The following RFX8 variants were observed in gnomAD, a reference collection of about 807,000 sequenced individuals.
The protein encoded by RFX8 is DNA-binding protein RFX8.
RFX8 carries 46 observed loss-of-function variants against 54.6 expected under a neutral mutation model. The ratio of observed to expected loss-of-function variants is 0.84; its 90% CI spans 0.67 to 1.08. RFX8 has a LOEUF of 1.08. Among genes scored for constraint, RFX8 ranks in the 50% least tolerant of loss-of-function variants. RFX8 has a pLI of 0.00. For missense variants in RFX8, 536 were observed against 562.3 expected (o/e 0.95, Z 0.47); for synonymous variants, 192 against 209.5 (o/e 0.92, Z 0.72).
intron 11 of RFX8, among the ~76,000 whole-genome samples, chr2:101,397,941 C>A (rs2104501250): frequency 1.3e-5 from 2 of 152,296 alleles, no homozygotes; most frequent in Middle Eastern, 6.8e-3. Flanking sequence ...TCACTGCAAC[C>A]TCCGCCTCCT....
At chr2:101,431,745 T>C (rs1446151645) in intron 2 of RFX8, among the ~76,000 whole-genome samples, 2 of 152,202 alleles carry the variant, frequency 1.3e-5, no homozygotes, top group Middle Eastern at 3.2e-3. Context: ...AGTTCCTAAA[T>C]GGTACTCCCA....
chr2:101,452,394 C>A (rs1171443600), intron 2 of RFX8: 6 of 1,420,096 alleles, frequency 4.2e-6, no homozygotes, highest in Non-Finnish European at 4.6e-6. Context: ...CCTGGCACTT[C>A]CTCTAGTGCC....
chr2:101,412,355 T>C (rs1315998459), intron 8 of RFX8, among the ~76,000 whole-genome samples: 1 of 152,158 alleles, frequency 6.6e-6, no homozygotes, highest in Non-Finnish European at 1.5e-5. Context: ...GGAAGGGGGA[T>C]TTTTTTCTTG....
intron 8 of RFX8, among the ~76,000 whole-genome samples, chr2:101,411,674 T>A (rs1686140869): frequency 6.6e-6 from 1 of 152,234 alleles, no homozygotes; most frequent in Admixed American, 6.5e-5. Context: ...CCTGCCAGAT[T>A]AGGTGTTAAC....
intron 2 of RFX8, among the ~76,000 whole-genome samples, chr2:101,456,789 A>G (rs1015107309): frequency 2.6e-5 from 4 of 152,164 alleles, no homozygotes; most frequent in African/African-American, 9.7e-5. Flanking sequence ...AAGGAATGGT[A>G]CCAGCTCCTT....
intron 2 of RFX8, among the ~76,000 whole-genome samples, chr2:101,453,567 G>A (rs1443278235): frequency 6.6e-6 from 1 of 152,130 alleles, no homozygotes; most frequent in Non-Finnish European, 1.5e-5. Context: ...TGACAAGGGT[G>A]AAACTCGGTC....
At position 101,427,847 on chromosome 2, in the gene RFX8, C is replaced by T. The variant is rs769175443; in HGVS notation, c.73-5375G>A. 5.9e-5 allele frequency among the ~76,000 whole-genome samples: 9 copies of T among 152,148 alleles called. No homozygotes were observed. The South Asian group carries it at 6.2e-4, about 11-fold the overall frequency. On this transcript the variant is annotated intron_variant, in intron 2 of 11. Coordinates refer to ENST00000428343, the MANE Select transcript of RFX8 (RefSeq NM_001145664.2). Reference sequence around the variant, plus strand: ...GTAGAGGGACTTTGTTTGTTTTTAGCGGTTCTTTCACAACCCATTCAGCCC... The same window carrying T: ...GTAGAGGGACTTTGTTTGTTTTTAGTGGTTCTTTCACAACCCATTCAGCCC...
chr2:101,423,485 C>T (rs1377801843), intron 2 of RFX8, among the ~76,000 whole-genome samples: 2 of 152,062 alleles, frequency 1.3e-5, no homozygotes, highest in Non-Finnish European at 2.9e-5. Flanking sequence ...AATAATTTCC[C>T]TTACAATAAA....
At chr2:101,423,866 C>T (rs559103980) in intron 2 of RFX8, among the ~76,000 whole-genome samples, 21 of 152,222 alleles carry the variant, frequency 1.4e-4, no homozygotes, top group African/African-American at 4.6e-4. Context: ...CCAGTATCAA[C>T]CAGTACTGCA....
At chr2:101,407,833 T>C (rs1424006033) in intron 9 of RFX8, among the ~76,000 whole-genome samples, 1 of 152,200 alleles carries the variant, frequency 6.6e-6, no homozygotes, top group African/African-American at 2.4e-5. Flanking sequence ...ACGTCCACAG[T>C]GTGGCACTTC....
rs186364116 is a variant in RFX8 at position 101,418,841 on chromosome 2, G to A, written c.351+10C>T. On this transcript the variant is annotated intron_variant, in intron 5 of 11. Coordinates refer to ENST00000428343, the MANE Select transcript of RFX8 (RefSeq NM_001145664.2). ...AAGGATATACTCTAGAGACTCACGC[G>A]TCCTCCTACCTTGTACAGCTGGACG... 85 of 1,516,426 alleles carry A rather than the reference G, an allele frequency of 5.6e-5. 1 individual carries two copies. In the Middle Eastern group the frequency reaches 1.2e-3, roughly 22 times the overall value. The allele number at this position is 1,516,426 out of a possible 1,614,324, so 93.9% of individuals were successfully genotyped here.
intron 2 of RFX8, among the ~76,000 whole-genome samples, chr2:101,458,205 T>C (rs1188621811): frequency 1.3e-5 from 2 of 152,232 alleles, no homozygotes; most frequent in African/African-American, 4.8e-5. Flanking sequence ...ATTTAGTCCA[T>C]TTACATTTAA....
intron 2 of RFX8, among the ~76,000 whole-genome samples, chr2:101,433,231 C>T (rs1402694415): frequency 6.6e-6 from 1 of 152,108 alleles, no homozygotes; most frequent in East Asian, 1.9e-4. Flanking sequence ...TTGGTGACCG[C>T]CCCCCAAGAC....
At chr2:101,439,438 G>A (rs908424789) in intron 2 of RFX8, among the ~76,000 whole-genome samples, 1 of 152,072 alleles carries the variant, frequency 6.6e-6, no homozygotes, top group Non-Finnish European at 1.5e-5. Flanking sequence ...TCTGGTGTCT[G>A]GTCTGAGACC....
intron 4 of RFX8, among the ~76,000 whole-genome samples, 170 bp from the exon 5 acceptor site, chr2:101,419,134 T>G (rs1369052468): frequency 6.6e-6 from 1 of 152,214 alleles, no homozygotes; most frequent in African/African-American, 2.4e-5. Flanking sequence ...TAGAATTCTT[T>G]CCAACAACCC....
At chr2:101,448,449 G>A (rs1236708257) in intron 2 of RFX8, among the ~76,000 whole-genome samples, 4 of 152,054 alleles carry the variant, frequency 2.6e-5, no homozygotes, top group East Asian at 3.9e-4. Context: ...CTCCTTCTCC[G>A]ACACCACCTG....
chr2:101,436,893 G>A (rs1687810843), intron 2 of RFX8, among the ~76,000 whole-genome samples: 1 of 152,136 alleles, frequency 6.6e-6, no homozygotes, highest in South Asian at 2.1e-4. Context: ...GCAACTGTGT[G>A]CACAGATGAA....
At chr2:101,455,680 G>A (rs1341357721) in intron 2 of RFX8, among the ~76,000 whole-genome samples, 2 of 152,130 alleles carry the variant, frequency 1.3e-5, no homozygotes, top group African/African-American at 2.4e-5. Flanking sequence ...TTTGGCCTAG[G>A]ATTATCTTGG....
chr2:101,452,426 CG>C, intron 2 of RFX8: 1 of 1,359,772 alleles, frequency 7.4e-7, no homozygotes, highest in South Asian at 1.8e-5. Context: ...TGCCAAGGTC[CG>C]GAAAAACCAA....
Sources: gnomAD v4.1 joint callset for allele counts (sites outside exome capture counted in the v4.1 genomes callset) on GRCh38, gnomAD v4.1.1 for gene constraint, MANE v1.5 for transcripts, NCBI Gene and HGNC (gene_info 2026-07-23, HGNC 2026-07-21) for gene names.